RCC1: variants seen among roughly 807,000 people sequenced by gnomAD.
RCC1 encodes the protein regulator of chromosome condensation.
In RCC1, 11 loss-of-function variants were observed where a neutral mutation model predicts 44.4. The ratio of observed to expected loss-of-function variants is 0.25; its 90% CI spans 0.16 to 0.41. The LOEUF (loss-of-function observed/expected upper bound fraction) is 0.41, where lower values mean the gene tolerates loss of function less well. Among genes scored for constraint, RCC1 ranks in the 10% least tolerant of loss-of-function variants. RCC1 has a pLI of 1.00. For missense variants in RCC1, 386 were observed against 547.1 expected (o/e 0.71, Z 2.94); for synonymous variants, 213 against 216.5 (o/e 0.98, Z 0.14).
At chr1:28,530,743 C>A in intron 5 of RCC1, 1 of 678,918 alleles carries the variant, frequency 1.5e-6, no homozygotes, top group Non-Finnish European at 2.4e-6. Flanking sequence ...GCCTTTGGCC[C>A]ACAGAGAGCC....
At chr1:28,507,431 G>C (rs764180198) in intron 1 of RCC1, 4 of 518,938 alleles carry the variant, frequency 7.7e-6, no homozygotes, top group Non-Finnish European at 1.5e-5. Context: ...GGGGAGCATA[G>C]GGCTCTGCCC....
chr1:28,528,006 C>A (rs1570202250), intron 4 of RCC1, among the ~76,000 whole-genome samples: 2 of 106,420 alleles, frequency 1.9e-5, no homozygotes, highest in Admixed American at 1.9e-4. Flanking sequence ...CAAAACTCTG[C>A]TTCAAAAAAA....
chr1:28,507,561 A>G (rs1314752433), intron 1 of RCC1: 2 of 517,168 alleles, frequency 3.9e-6, no homozygotes, highest in Non-Finnish European at 7.7e-6. Context: ...CAAACCATGC[A>G]GGAAACAGCC....
chr1:28,523,876 G>A (rs1267971838), intron 4 of RCC1, among the ~76,000 whole-genome samples: 1 of 152,190 alleles, frequency 6.6e-6, no homozygotes, highest in African/African-American at 2.4e-5. Flanking sequence ...GAGTGCAATG[G>A]TGCAAACTCG....
chr1:28,507,958 CATG>C (rs1183747470), intron 1 of RCC1, 167 bp from the exon 2 acceptor site: 1 of 299,170 alleles, frequency 3.3e-6, no homozygotes, highest in South Asian at 2.9e-5. Context: ...AGTAGCCAGG[CATG>C]ATGATAGGTA....
At position 28,538,115 on chromosome 1, in the gene RCC1, T is replaced by A; in HGVS notation, c.*108T>A. 1.1e-6 allele frequency: 1 copy of A among 926,864 alleles called. No individual in the cohort carries two copies. The highest frequency in any genetic ancestry group is 1.6e-6 in the Non-Finnish European group (1 of 625,430). The allele number at this position is 926,864 out of a possible 1,614,324, so 57.4% of individuals were successfully genotyped here. Reference sequence around the variant, plus strand: ...GGCCTCTCCCCAGCCCTGAGCACTGTGTCAGTTCCTGCCTTTTCTCATCAG... The same window carrying A: ...GGCCTCTCCCCAGCCCTGAGCACTGAGTCAGTTCCTGCCTTTTCTCATCAG... On this transcript the variant is annotated 3_prime_UTR_variant, in exon 13 of 13. Transcript: ENST00000683442.
At chr1:28,531,781 G>T (rs1448669530) in intron 5 of RCC1, 22 bp from the exon 6 acceptor site, 15 of 1,510,324 alleles carry the variant, frequency 9.9e-6, no homozygotes, top group African/African-American at 1.4e-5. Flanking sequence ...TACACTCAGG[G>T]TCTATCTTCT....
At chr1:28,533,829 TC>T (rs1664347832) in intron 7 of RCC1, among the ~76,000 whole-genome samples, 6 of 120,860 alleles carry the variant, frequency 5.0e-5, no homozygotes, top group Admixed American at 9.7e-5. Flanking sequence ...TATATTTTTT[TC>T]TTTTCTTTTC....
At chr1:28,511,335 C>T (rs1339005929) in intron 3 of RCC1, among the ~76,000 whole-genome samples, 1 of 151,888 alleles carries the variant, frequency 6.6e-6, no homozygotes, top group Non-Finnish European at 1.5e-5. Flanking sequence ...AGCATGATCA[C>T]TTATTAAATA....
intron 5 of RCC1, among the ~76,000 whole-genome samples, chr1:28,531,087 T>C (rs904767048): frequency 6.6e-6 from 1 of 151,936 alleles, no homozygotes; most frequent in Non-Finnish European, 1.5e-5. Context: ...AAATTAGCCT[T>C]GCGCGGTGGC....
chr1:28,507,131 G>T lies in RCC1; in HGVS notation c.-261-997G>T, dbSNP rs74729937. 652 of 268,198 alleles carry T rather than the reference G, an allele frequency of 2.4e-3. 3 individuals carry two copies. The highest frequency in any genetic ancestry group is 0.013 in the African/African-American group (593 of 45,212). The allele number at this position is 268,198 out of a possible 1,614,324, so 16.6% of individuals were successfully genotyped here. On this transcript the variant is annotated intron_variant, in intron 1 of 12. Coordinates refer to ENST00000683442, the MANE Select transcript of RCC1 (RefSeq NM_001381865.2). ...TTTCATTTGAATTTAGGATAGCTGGGCCTAATTGTTGTCTTTGCTTCTGCG... is the reference window on the plus strand; with the variant it reads ...TTTCATTTGAATTTAGGATAGCTGGTCCTAATTGTTGTCTTTGCTTCTGCG...
chr1:28,532,413 A>G (rs1664237879), intron 7 of RCC1, 63 bp downstream of exon 7: 12 of 1,561,572 alleles, frequency 7.7e-6, no homozygotes, highest in East Asian at 4.5e-5. Context: ...CGGGGCCCCA[A>G]AGATAATCCA....
intron 3 of RCC1, chr1:28,509,217 T>C (rs1181424652): frequency 3.3e-5 from 9 of 271,650 alleles, no homozygotes; most frequent in Non-Finnish European, 1.4e-5. Context: ...TCATTCATAC[T>C]TTAAGAACCA....
intron 4 of RCC1, among the ~76,000 whole-genome samples, chr1:28,520,993 C>T (rs1439819353): frequency 1.3e-5 from 2 of 150,350 alleles, no homozygotes; most frequent in South Asian, 2.1e-4. Context: ...GCGGGAGAAT[C>T]GCTTGAACCT....
intron 4 of RCC1, among the ~76,000 whole-genome samples, chr1:28,519,257 C>T (rs1663123128): frequency 6.6e-6 from 1 of 152,074 alleles, no homozygotes; most frequent in Admixed American, 6.6e-5. Context: ...CTTGAGGTGA[C>T]TGGAGGAGGA....
chr1:28,532,739 G>A (rs185002974), intron 7 of RCC1: 20 of 469,346 alleles, frequency 4.3e-5, no homozygotes, highest in East Asian at 6.5e-5. Context: ...AGGGATTGTC[G>A]CATCTCAGAG....
chr1:28,520,806 G>A (rs951948115), intron 4 of RCC1, among the ~76,000 whole-genome samples: 9 of 152,272 alleles, frequency 5.9e-5, no homozygotes, highest in Non-Finnish European at 1.0e-4. Flanking sequence ...GGCCGGGCTC[G>A]GTGGCTCACG....
At chr1:28,506,196 A>C in intron 1 of RCC1, 112 bp downstream of exon 1, 1 of 426,480 alleles carries the variant, frequency 2.3e-6, no homozygotes. Flanking sequence ...TATTTTATTT[A>C]TTTACTTTTT....
chr1:28,536,716 C>T lies in RCC1; in HGVS notation c.938-31C>T. 6.2e-7 allele frequency: 1 copy of T among 1,610,866 alleles called. No individual in the cohort carries two copies. ...CATTTTGCCTGTAGCACGCCCTCTG[C>T]TATTGCTCATCTCTCTCCCTCCTCC... On this transcript the variant is annotated intron_variant, in intron 11 of 12. Coordinates refer to ENST00000683442, the MANE Select transcript of RCC1 (RefSeq NM_001381865.2). This position sits in a 1 kb window ranked among gnomAD's most constrained non-coding sequence, Gnocchi z 4.9.
Sources: allele counts gnomAD v4.1 joint callset (sites outside exome capture counted in the v4.1 genomes callset), GRCh38; gene constraint gnomAD v4.1.1; non-coding constraint Gnocchi (gnomAD v3.1); transcripts MANE v1.5; gene names NCBI Gene and HGNC (gene_info 2026-07-23, HGNC 2026-07-21).